SLAIN2: variants seen among roughly 807,000 people sequenced by gnomAD.
The protein encoded by SLAIN2 is SLAIN family member 2.
In SLAIN2, 31 loss-of-function variants were observed where a neutral mutation model predicts 56.6. The ratio of observed to expected loss-of-function variants is 0.55; its 90% CI spans 0.41 to 0.74. The LOEUF (loss-of-function observed/expected upper bound fraction) is 0.74. Among genes scored for constraint, SLAIN2 ranks in the 30% least tolerant of loss-of-function variants. SLAIN2 has a pLI of 0.00. For missense variants in SLAIN2, 777 were observed against 754.2 expected, an observed-to-expected ratio of 1.03 and a Z score of -0.35; for synonymous variants, 317 against 284.9, an observed-to-expected ratio of 1.11 and a Z score of -1.13.
At chr4:48,402,292 C>T (rs1037468460) in intron 6 of SLAIN2, among the ~76,000 whole-genome samples, 1 of 150,786 alleles carries the variant, frequency 6.6e-6, no homozygotes, top group African/African-American at 2.4e-5. Flanking sequence ...TACTAGGGTT[C>T]TCTGGATTTC....
At chr4:48,391,471 G>A (rs1716234606) in intron 6 of SLAIN2, among the ~76,000 whole-genome samples, 1 of 152,184 alleles carries the variant, frequency 6.6e-6, no homozygotes, top group Non-Finnish European at 1.5e-5. Flanking sequence ...TTTTCAGGGA[G>A]GAGTGCTTTT....
At chr4:48,362,247 C>A (rs1019711781) in intron 1 of SLAIN2, among the ~76,000 whole-genome samples, 1 of 151,658 alleles carries the variant, frequency 6.6e-6, no homozygotes, top group African/African-American at 2.4e-5. Context: ...TGGTCTTTTA[C>A]CATTAAGTCT....
At chr4:48,373,016 A>T (rs1419092916) in intron 2 of SLAIN2, among the ~76,000 whole-genome samples, 3 of 151,918 alleles carry the variant, frequency 2.0e-5, no homozygotes, top group Non-Finnish European at 2.9e-5. Flanking sequence ...CGTTCCTAAA[A>T]TTTTCTTCAC....
intron 6 of SLAIN2, among the ~76,000 whole-genome samples, chr4:48,386,872 A>G (rs763894372): frequency 3.3e-5 from 5 of 152,330 alleles, no homozygotes; most frequent in African/African-American, 4.8e-5. Context: ...CACAATGTTA[A>G]TGTAACAGGA....
At chr4:48,346,928 C>A (rs1214548655) in intron 1 of SLAIN2, among the ~76,000 whole-genome samples, 1 of 151,134 alleles carries the variant, frequency 6.6e-6, no homozygotes, top group Non-Finnish European at 1.5e-5. Context: ...CCCACCTCAA[C>A]CTCCCAAAGT....
intron 2 of SLAIN2, among the ~76,000 whole-genome samples, chr4:48,375,333 A>G (rs985179259): frequency 6.6e-6 from 1 of 152,170 alleles, no homozygotes; most frequent in Non-Finnish European, 1.5e-5. Flanking sequence ...GTGAATATGT[A>G]CAAAACTACA....
intron 4 of SLAIN2, among the ~76,000 whole-genome samples, chr4:48,380,862 G>A (rs559176570): frequency 2.6e-5 from 4 of 152,106 alleles, no homozygotes; most frequent in African/African-American, 9.7e-5. Flanking sequence ...TATGTAGTAG[G>A]CTTTATCAAG....
chr4:48,352,357 A>G (rs1026193076), intron 1 of SLAIN2, among the ~76,000 whole-genome samples: 10 of 152,244 alleles, frequency 6.6e-5, no homozygotes, highest in Non-Finnish European at 1.2e-4. Flanking sequence ...CATCACATCA[A>G]GCTAAATGAT....
At chr4:48,347,149 G>C (rs1468803705) in intron 1 of SLAIN2, among the ~76,000 whole-genome samples, 2 of 151,586 alleles carry the variant, frequency 1.3e-5, no homozygotes, top group Admixed American at 1.3e-4. Context: ...CCTCATGGTT[G>C]ATAAAAGTAT....
At chr4:48,342,379 G>A (rs1714736784) in intron 1 of SLAIN2, among the ~76,000 whole-genome samples, 1 of 152,228 alleles carries the variant, frequency 6.6e-6, no homozygotes, top group Non-Finnish European at 1.5e-5. Context: ...ACCCTATTGG[G>A]GTCTGTGGGT....
intron 1 of SLAIN2, among the ~76,000 whole-genome samples, chr4:48,354,506 G>C (rs912100983): frequency 3.3e-5 from 5 of 151,774 alleles, no homozygotes; most frequent in African/African-American, 1.2e-4. Context: ...TCGCTGTGTT[G>C]CCCAGGCTGG....
chr4:48,371,270 A>G (rs6819696), intron 2 of SLAIN2, among the ~76,000 whole-genome samples: 116,807 of 151,870 alleles, frequency 0.77, 45,732 homozygotes, highest in African/African-American at 0.92. Context: ...ATGGGATTTT[A>G]CCGTGTTAGC....
At chr4:48,372,271 A>G (rs1413013768) in intron 2 of SLAIN2, among the ~76,000 whole-genome samples, 2 of 152,162 alleles carry the variant, frequency 1.3e-5, no homozygotes, top group Non-Finnish European at 2.9e-5. Context: ...ATATTCTTAT[A>G]AGAGGAGTCA....
intron 6 of SLAIN2, among the ~76,000 whole-genome samples, chr4:48,388,268 A>G (rs1035271256): frequency 6.6e-6 from 1 of 152,200 alleles, no homozygotes; most frequent in South Asian, 2.1e-4. Flanking sequence ...AAACCAGAGC[A>G]TTGCAGAGGT....
At chr4:48,347,694 A>T (rs116345352) in intron 1 of SLAIN2, among the ~76,000 whole-genome samples, 1,606 of 152,352 alleles carry the variant, frequency 0.011, 20 homozygotes, top group African/African-American at 0.036. Flanking sequence ...AATGTTGTGC[A>T]ATCATCGCCA....
chr4:48,363,861 G>T (rs1715421070), intron 1 of SLAIN2, among the ~76,000 whole-genome samples: 1 of 141,576 alleles, frequency 7.1e-6, no homozygotes, highest in Admixed American at 6.8e-5. Context: ...TTACTTCCCA[G>T]TAGGGGCGGC....
intron 6 of SLAIN2, among the ~76,000 whole-genome samples, chr4:48,398,066 A>G (rs1190997318): frequency 6.6e-6 from 1 of 152,112 alleles, no homozygotes; most frequent in Non-Finnish European, 1.5e-5. Context: ...CTGCTTTTAG[A>G]TCTTTGAGGA....
chr4:48,362,666 A>T (rs1440963883), intron 1 of SLAIN2, among the ~76,000 whole-genome samples: 5 of 141,576 alleles, frequency 3.5e-5, no homozygotes, highest in Non-Finnish European at 7.6e-5. Context: ...TGATCCGCCC[A>T]CCTCAGCCTC....
intron 6 of SLAIN2, among the ~76,000 whole-genome samples, chr4:48,400,870 T>C (rs765762422): frequency 6.6e-6 from 1 of 152,190 alleles, no homozygotes; most frequent in East Asian, 1.9e-4. Flanking sequence ...CTAGTTCTTT[T>C]AGTTGTCGTG....
Sources: gnomAD v4.1 joint callset for allele counts (sites outside exome capture counted in the v4.1 genomes callset) on GRCh38, gnomAD v4.1.1 for gene constraint, MANE v1.5 for transcripts, NCBI Gene and HGNC (gene_info 2026-07-23, HGNC 2026-07-21) for gene names.